DENND5B: variants seen among roughly 807,000 people sequenced by gnomAD.
DENND5B encodes the protein DENN domain-containing protein 5B.
Under a neutral mutation model 140.6 loss-of-function variants are expected in DENND5B, and 34 were observed. That is an observed-to-expected ratio of 0.24 (90% CI 0.18 to 0.32). The LOEUF (loss-of-function observed/expected upper bound fraction) is 0.32. Ranked by LOEUF, DENND5B falls within the 10% of genes least tolerant of loss-of-function variation. The pLI, the probability that DENND5B is intolerant of heterozygous loss-of-function variation, is 1.00. For missense variants in DENND5B, 1,142 were observed against 1,560.2 expected (o/e 0.73, Z 4.52); for synonymous variants, 551 against 562.1 (o/e 0.98, Z 0.28).
intron 3 of DENND5B, among the ~76,000 whole-genome samples, chr12:31,471,555 G>A (rs571166738): frequency 1.3e-5 from 2 of 150,800 alleles, no homozygotes; most frequent in South Asian, 2.1e-4. Context: ...CCACAAGGGA[G>A]GTAGAGATGG....
intron 7 of DENND5B, among the ~76,000 whole-genome samples, chr12:31,441,440 G>A (rs546135919): frequency 1.3e-5 from 2 of 151,862 alleles, no homozygotes; most frequent in South Asian, 4.2e-4. Flanking sequence ...TTCCTGCCTC[G>A]TACTCCTAAA....
At chr12:31,546,523 C>T (rs1357656736) in intron 1 of DENND5B, among the ~76,000 whole-genome samples, 1 of 152,024 alleles carries the variant, frequency 6.6e-6, no homozygotes, top group Non-Finnish European at 1.5e-5. Context: ...CACATCTCTA[C>T]TAAAAATACA....
chr12:31,575,198 G>A (rs766263883), intron 1 of DENND5B, among the ~76,000 whole-genome samples: 1 of 152,208 alleles, frequency 6.6e-6, no homozygotes, highest in Non-Finnish European at 1.5e-5. Flanking sequence ...TAGAGTTGAA[G>A]TTGAGGATAA....
intron 1 of DENND5B, among the ~76,000 whole-genome samples, chr12:31,513,838 A>AT (rs35872313): frequency 0.49 from 71,768 of 145,284 alleles, 17,519 homozygotes; most frequent in Admixed American, 0.61. Flanking sequence ...CTCAGATAAC[A>AT]TTTTTTTTTT....
chr12:31,581,170 G>C (rs747325249), intron 1 of DENND5B, among the ~76,000 whole-genome samples: 25 of 151,880 alleles, frequency 1.6e-4, no homozygotes, highest in Non-Finnish European at 2.8e-4. Context: ...CTAAAAGTTT[G>C]AATCTTATTC....
chr12:31,590,731 G>A lies in DENND5B; in HGVS notation c.102C>T (p.Ser34=), dbSNP rs1450274597. 6.8e-7 allele frequency: 1 copy of A among 1,475,622 alleles called. No homozygotes were observed. 91.4% of individuals were successfully genotyped at this position (1,475,622 alleles called of 1,614,324 possible). A position where few individuals can be genotyped will look rare whatever the true frequency, so the allele number is the denominator to read the frequency against. ...YFVLCGIDAD[S]GLEPDELAGE... Reference sequence around the variant, plus strand: ...CCGCCAGCTCGTCAGGCTCCAGCCCGCTGTCCGCGTCGATCCCGCACAGCA... The same window carrying A: ...CCGCCAGCTCGTCAGGCTCCAGCCCACTGTCCGCGTCGATCCCGCACAGCA... The change falls in exon 1 of 21, where the codon AGC becomes AGT. Residue 34 remains serine, a synonymous_variant. Coordinates refer to ENST00000389082, the MANE Select transcript of DENND5B (RefSeq NM_144973.4).
rs1941861857 is a variant in DENND5B, at chr12:31,402,591, T to C, written c.2856A>G (p.Ile952Met). Residue 952 changes from isoleucine (I) to methionine (M), a missense_variant, in exon 15 of 21, where the codon ATA becomes ATG. This residue lies in a region of DENND5B where 268 missense variants were observed against 349.2 expected (regional missense o/e 0.77). Coordinates refer to ENST00000389082, the MANE Select transcript of DENND5B (RefSeq NM_144973.4). ...CACAGATCCAAGGGTTTGATGTGATTATTGCATTGCTCAGCTTTTTGATTG... is the reference window on the plus strand; with the variant it reads ...CACAGATCCAAGGGTTTGATGTGATCATTGCATTGCTCAGCTTTTTGATTG... Reference protein sequence around the residue: ...IIPIKKLSNAIITSNPWICVS... With the variant: ...IIPIKKLSNAMITSNPWICVS... The C allele has an allele frequency of 5.0e-6, 8 of 1,613,864 alleles. No homozygotes were observed. Among genetic ancestry groups the C allele is most frequent in the Admixed American group, 1.7e-5 (1 of 60,016 alleles).
chr12:31,588,950 CA>C (rs1332304678), intron 1 of DENND5B, among the ~76,000 whole-genome samples: 2 of 152,102 alleles, frequency 1.3e-5, no homozygotes, highest in Non-Finnish European at 2.9e-5. Context: ...CACACTCACA[CA>C]GTTTTGCAAA....
intron 14 of DENND5B, among the ~76,000 whole-genome samples, chr12:31,402,958 CACTG>C (rs1218568355): frequency 3.3e-5 from 5 of 152,126 alleles, no homozygotes; most frequent in Admixed American, 1.3e-4. Context: ...AAGATGTGAA[CACTG>C]ACTGTGTATA....
chr12:31,401,400 A>C (rs1242162544), intron 15 of DENND5B, among the ~76,000 whole-genome samples: 1 of 152,140 alleles, frequency 6.6e-6, no homozygotes, highest in African/African-American at 2.4e-5. Flanking sequence ...GATAAGGCCA[A>C]ACTGGGCTCC....
chr12:31,392,466 A>G lies in DENND5B; in HGVS notation c.3340-73T>C. ...GTCTAAAAAAAACACTAGAGAAGCA[A>G]GTGCTGAAGGTAGCTATATGAAGCA... On this transcript the variant is annotated intron_variant, in intron 18 of 20. Coordinates refer to ENST00000389082, the MANE Select transcript of DENND5B (RefSeq NM_144973.4). The G allele has an allele frequency of 2.5e-6, 4 of 1,588,016 alleles. No individual in the cohort carries two copies. The South Asian group carries it at 4.6e-5, about 18-fold the overall frequency.
At chr12:31,455,913 A>G (rs1944754134) in intron 4 of DENND5B, among the ~76,000 whole-genome samples, 1 of 152,056 alleles carries the variant, frequency 6.6e-6, no homozygotes, top group Non-Finnish European at 1.5e-5. Flanking sequence ...CAGCTAGTTG[A>G]GAGGTTGAGG....
chr12:31,483,101 G>T (rs1278196085), intron 2 of DENND5B, among the ~76,000 whole-genome samples: 1 of 152,076 alleles, frequency 6.6e-6, no homozygotes, highest in Non-Finnish European at 1.5e-5. Flanking sequence ...CTTCCCCTTG[G>T]TATCCACATG....
intron 15 of DENND5B, 137 bp downstream of exon 15, chr12:31,402,360 TA>T (rs1941850127): frequency 4.6e-6 from 5 of 1,091,440 alleles, no homozygotes; most frequent in Admixed American, 2.8e-5. Context: ...TTTAGACATA[TA>T]ATCACAAAAA....
chr12:31,590,989 C>G lies in DENND5B; in HGVS notation c.-157G>C, dbSNP rs565039447. 3 of 850,370 alleles carry G rather than the reference C, an allele frequency of 3.5e-6. No individual in the cohort carries two copies. Among genetic ancestry groups the G allele is most frequent in the Non-Finnish European group, 4.3e-6 (3 of 695,256 alleles). 52.7% of individuals were successfully genotyped at this position (850,370 alleles called of 1,614,324 possible). A position where few individuals can be genotyped will look rare whatever the true frequency, so the allele number is the denominator to read the frequency against. On this transcript the variant is annotated 5_prime_UTR_variant, in exon 1 of 21. Transcript: ENST00000389082. ...GCCGCCTCTCGCCGCCGCAGCCTGC[C>G]TCCTCGCTCGGCGCGGGGGAAGCGG... is the stretch of plus-strand genomic sequence containing the variant.
chr12:31,465,781 T>C (rs1484802112), intron 3 of DENND5B: 2 of 152,300 alleles, frequency 1.3e-5, no homozygotes, highest in Non-Finnish European at 2.9e-5. Context: ...AACAATGACC[T>C]ACGGCACTAG....
chr12:31,434,782 A>C (rs1034266544), intron 7 of DENND5B, among the ~76,000 whole-genome samples: 2 of 152,092 alleles, frequency 1.3e-5, no homozygotes, highest in Non-Finnish European at 2.9e-5. Context: ...TCTAACATGC[A>C]ACTTCACCTC....
chr12:31,426,290 T>C lies in DENND5B; in HGVS notation c.2238+3A>G. On this transcript the variant is annotated splice_donor_region_variant and intron_variant, in intron 9 of 20. Transcript: ENST00000389082. ...CTGTCTGGCATCAGTGAATAATACA[T>C]ACCTTCATTCTACATTCTTTTAATA... 6.2e-7 allele frequency: 1 copy of C among 1,606,044 alleles called. No homozygotes were observed. The highest frequency in any genetic ancestry group is 8.5e-7 in the Non-Finnish European group (1 of 1,176,202).
intron 1 of DENND5B, among the ~76,000 whole-genome samples, chr12:31,513,914 G>C (rs1055018371): frequency 6.6e-6 from 1 of 151,082 alleles, no homozygotes; most frequent in Non-Finnish European, 1.5e-5. Flanking sequence ...CATTGTTCAT[G>C]GTAACCTTGA....
Sources: allele counts gnomAD v4.1 joint callset (sites outside exome capture counted in the v4.1 genomes callset), GRCh38; gene constraint gnomAD v4.1.1; regional missense constraint gnomAD v4.1.1; transcripts MANE v1.5; gene names NCBI Gene and HGNC (gene_info 2026-07-23, HGNC 2026-07-21).